TBC1D4: variants seen among roughly 807,000 people sequenced by gnomAD.
The protein encoded by TBC1D4 is TBC1 domain family member 4, also known as TBC (Tre-2, BUB2, CDC16) domain-containing protein.
In TBC1D4, 121 loss-of-function variants were observed where a neutral mutation model predicts 142.5. That is an observed-to-expected ratio of 0.85 (90% CI 0.73 to 0.99). The LOEUF is 0.99. Among genes scored for constraint, TBC1D4 ranks in the 50% least tolerant of loss-of-function variants. TBC1D4 has a pLI of 0.00. For synonymous variants in TBC1D4, 630 were observed against 628.2 expected, an observed-to-expected ratio of 1.00 and a Z score of -0.04; for missense variants, 1,475 against 1,606.6, an observed-to-expected ratio of 0.92 and a Z score of 1.40.
At chr13:75,461,083 T>C (rs192661210) in intron 1 of TBC1D4, among the ~76,000 whole-genome samples, 1 of 152,358 alleles carries the variant, frequency 6.6e-6, no homozygotes. Context: ...ATAGCCAATG[T>C]AGTTTTTCAT....
chr13:75,460,708 C>CCCAAGAGT (rs1376362433), intron 1 of TBC1D4, among the ~76,000 whole-genome samples: 2 of 152,050 alleles, frequency 1.3e-5, no homozygotes, highest in Non-Finnish European at 2.9e-5. Flanking sequence ...ATCGCTTGAT[C>CCCAAGAGT]CCAAGAGTTC....
chr13:75,315,178 C>T (rs1878173550), intron 12 of TBC1D4, among the ~76,000 whole-genome samples: 1 of 148,678 alleles, frequency 6.7e-6, no homozygotes, highest in South Asian at 2.1e-4. Context: ...TGTGGTGGTG[C>T]ACACCTGTAA....
chr13:75,449,561 G>A (rs985685350), intron 1 of TBC1D4, among the ~76,000 whole-genome samples: 62 of 136,254 alleles, frequency 4.6e-4, no homozygotes, highest in Non-Finnish European at 8.9e-4. Flanking sequence ...ACACAGACGC[G>A]CACACACACA....
intron 1 of TBC1D4, among the ~76,000 whole-genome samples, chr13:75,395,341 G>C (rs1884731183): frequency 6.6e-6 from 1 of 152,174 alleles, no homozygotes. Flanking sequence ...GTTCAAACTA[G>C]AAGGCCCTTT....
At chr13:75,347,562 T>C (rs1463486697) in intron 5 of TBC1D4, among the ~76,000 whole-genome samples, 1 of 152,234 alleles carries the variant, frequency 6.6e-6, no homozygotes, top group Non-Finnish European at 1.5e-5. Context: ...TCTTCTTGTT[T>C]TCTTTTAATG....
intron 1 of TBC1D4, among the ~76,000 whole-genome samples, chr13:75,405,756 C>T (rs1885309221): frequency 6.6e-6 from 1 of 152,010 alleles, no homozygotes; most frequent in Non-Finnish European, 1.5e-5. Flanking sequence ...AAGCTTTAAG[C>T]CAAGAACTCA....
rs1003703982 is a variant in TBC1D4 at position 75,285,525 on chromosome 13, G to A, written c.*1267C>T. 4 of 152,630 alleles carry A rather than the reference G, an allele frequency of 2.6e-5. No homozygotes were observed. Among genetic ancestry groups the A allele is most frequent in the African/African-American group, 4.8e-5 (2 of 41,446 alleles). 9.5% of individuals were successfully genotyped at this position (152,630 alleles called of 1,614,324 possible). On this transcript the variant is annotated 3_prime_UTR_variant, in exon 21 of 21. Transcript: ENST00000377636. ...TACTTTCCTTGCCTATACCCAGCAT[G>A]CGTGAATGTCATCTAATGAGCTATT...
intron 1 of TBC1D4, among the ~76,000 whole-genome samples, chr13:75,464,295 T>C (rs1264845527): frequency 1.3e-5 from 2 of 152,214 alleles, no homozygotes; most frequent in African/African-American, 4.8e-5. Context: ...CTGAAGGTTG[T>C]GGGTTTACCG....
At chr13:75,478,573 G>T (rs1204138349) in intron 1 of TBC1D4, among the ~76,000 whole-genome samples, 1 of 152,024 alleles carries the variant, frequency 6.6e-6, no homozygotes, top group Non-Finnish European at 1.5e-5. Flanking sequence ...TTCAAATATA[G>T]AACTCAGAAC....
intron 1 of TBC1D4, among the ~76,000 whole-genome samples, chr13:75,370,483 C>T (rs917425261): frequency 6.6e-6 from 1 of 152,140 alleles, no homozygotes; most frequent in Non-Finnish European, 1.5e-5. Flanking sequence ...ACAGAAGCGA[C>T]AGCAAGGGAG....
intron 1 of TBC1D4, among the ~76,000 whole-genome samples, chr13:75,427,381 G>C (rs1171772949): frequency 1.3e-5 from 2 of 152,174 alleles, no homozygotes; most frequent in African/African-American, 4.8e-5. Flanking sequence ...ATATTATTCA[G>C]ATGGAACTTT....
At chr13:75,305,012 A>T (rs999556660) in intron 15 of TBC1D4, among the ~76,000 whole-genome samples, 2 of 152,136 alleles carry the variant, frequency 1.3e-5, no homozygotes, top group Non-Finnish European at 2.9e-5. Flanking sequence ...CCATAATTCC[A>T]TGTGTAGTGA....
At chr13:75,359,992 A>C in intron 2 of TBC1D4, 134 bp from the exon 3 acceptor site, 1 of 734,654 alleles carries the variant, frequency 1.4e-6, no homozygotes, top group Non-Finnish European at 2.3e-6. Context: ...GTGCTTAAAC[A>C]TCTAATCCAA....
chr13:75,460,392 G>A (rs1378276840), intron 1 of TBC1D4, among the ~76,000 whole-genome samples: 1 of 152,152 alleles, frequency 6.6e-6, no homozygotes, highest in Admixed American at 6.5e-5. Context: ...CAAAGGAAGT[G>A]ACTTGTGAAT....
chr13:75,380,887 A>T (rs1485366628), intron 1 of TBC1D4, among the ~76,000 whole-genome samples: 1 of 152,088 alleles, frequency 6.6e-6, no homozygotes, highest in Non-Finnish European at 1.5e-5. Context: ...TTTAACTCCA[A>T]AATGCCCTCT....
Position 75,349,303 on chromosome 13 carries a change from C to G in TBC1D4, c.1276-1G>C. 4 of 1,613,762 alleles carry G rather than the reference C, an allele frequency of 2.5e-6. No homozygotes were observed. Among genetic ancestry groups the G allele is most frequent in the Non-Finnish European group, 3.4e-6 (4 of 1,179,882 alleles). ...TCAGAGTCAGCATTACCTCATCAAC[C>G]TACAGGAAGAAACAAAACTCAGGTC... On this transcript the variant is annotated splice_acceptor_variant, in intron 4 of 20. Transcript: ENST00000377636. LOFTEE classifies it high-confidence loss of function.
chr13:75,344,292 A>C (rs901657867), intron 5 of TBC1D4, among the ~76,000 whole-genome samples: 1 of 152,270 alleles, frequency 6.6e-6, no homozygotes, highest in Non-Finnish European at 1.5e-5. Flanking sequence ...AAGATTGAAA[A>C]GAGGAAAAGA....
chr13:75,379,189 T>C, intron 1 of TBC1D4, among the ~76,000 whole-genome samples: 1 of 151,984 alleles, frequency 6.6e-6, no homozygotes, highest in East Asian at 1.9e-4. Context: ...AGAAGCGAAA[T>C]GACTAGCTCA....
chr13:75,303,358 G>A (rs1047059736), intron 15 of TBC1D4, among the ~76,000 whole-genome samples: 5 of 151,986 alleles, frequency 3.3e-5, no homozygotes, highest in African/African-American at 9.7e-5. Context: ...ATAAGAAGGC[G>A]TAACTGATAT....
Sources: gnomAD v4.1 joint callset for allele counts (sites outside exome capture counted in the v4.1 genomes callset) on GRCh38, gnomAD v4.1.1 for gene constraint, MANE v1.5 for transcripts, NCBI Gene and HGNC (gene_info 2026-07-23, HGNC 2026-07-21) for gene names.